Variants in RTL4 observed in about 807,000 individuals in gnomAD.
RTL4 encodes retrotransposon Gag-like protein 4.
In RTL4, 4 loss-of-function variants were observed where a neutral mutation model predicts 5.3. The ratio of observed to expected loss-of-function variants is 0.75; its 90% CI spans 0.37 to 1.72. RTL4 has a LOEUF of 1.72. Ranked by LOEUF, RTL4 falls within the 40% of genes most tolerant of loss-of-function variation. RTL4 has a pLI of 0.04. For synonymous variants in RTL4, 98 were observed against 87.3 expected (o/e 1.12, Z -0.68); for missense variants, 260 against 227.1 (o/e 1.14, Z -0.93).
chrX:112,182,090 G>C, the RTL4 span, among the ~76,000 whole-genome samples: 2 of 111,676 alleles, frequency 1.8e-5, no homozygotes, highest in Non-Finnish European at 3.8e-5. Flanking sequence ...CAGCAGACGG[G>C]CCTGACTGTT....
At chrX:112,430,156 C>G in the RTL4 span, among the ~76,000 whole-genome samples, 1 of 110,770 alleles carries the variant, frequency 9.0e-6, no homozygotes, top group Non-Finnish European at 1.9e-5. Flanking sequence ...TTTTTCCTCT[C>G]CTTCTGGTAT....
chrX:112,376,921 T>G, the RTL4 span, among the ~76,000 whole-genome samples: 1 of 112,372 alleles, frequency 8.9e-6, no homozygotes, highest in East Asian at 2.8e-4. Context: ...TCTGAATGTT[T>G]TGCAGAGCAT....
At chrX:112,323,260 G>C in the RTL4 span, among the ~76,000 whole-genome samples, 11 of 110,660 alleles carry the variant, frequency 9.9e-5, no homozygotes, top group African/African-American at 3.6e-4. Context: ...GAATCTTTTT[G>C]TCTGTTAGCT....
the RTL4 span, among the ~76,000 whole-genome samples, chrX:112,278,352 G>T: frequency 8.9e-6 from 1 of 111,877 alleles, no homozygotes; most frequent in African/African-American, 3.2e-5. Context: ...TTGGCAGTCA[G>T]GCCTTTACCT....
chrX:112,453,846 C>A (rs192720884), upstream of RTL4, among the ~76,000 whole-genome samples: 154 of 111,670 alleles, frequency 1.4e-3, 1 homozygote, highest in African/African-American at 4.7e-3. Flanking sequence ...TCACAGATCA[C>A]ATTCTGAGGA....
chrX:112,234,175 G>A, the RTL4 span, among the ~76,000 whole-genome samples: 2 of 110,958 alleles, frequency 1.8e-5, no homozygotes, highest in African/African-American at 6.6e-5. Context: ...CTGGGCGACA[G>A]AGTGAGACTC....
chrX:112,408,521 T>C, the RTL4 span, among the ~76,000 whole-genome samples: 1 of 109,442 alleles, frequency 9.1e-6, no homozygotes, highest in African/African-American at 3.3e-5. Context: ...ATTAGGAAAA[T>C]AGTCTCAAAA....
At chrX:112,244,899 A>T in the RTL4 span, among the ~76,000 whole-genome samples, 2 of 111,891 alleles carry the variant, frequency 1.8e-5, no homozygotes, top group Non-Finnish European at 3.8e-5. Context: ...GGTGGTGACA[A>T]AATCTCTCAG....
At chrX:112,140,730 A>G in the RTL4 span, among the ~76,000 whole-genome samples, 1 of 112,022 alleles carries the variant, frequency 8.9e-6, no homozygotes, top group Admixed American at 9.5e-5. Context: ...TTTAGTTCCA[A>G]CATTTAATTT....
chrX:112,131,597 C>CT, the RTL4 span, among the ~76,000 whole-genome samples: 1 of 111,773 alleles, frequency 8.9e-6, no homozygotes, highest in African/African-American at 3.2e-5. Flanking sequence ...TAACAAATGC[C>CT]TTTTTTCCCC....
At chrX:112,350,399 C>G in the RTL4 span, among the ~76,000 whole-genome samples, 1 of 108,542 alleles carries the variant, frequency 9.2e-6, no homozygotes, top group Non-Finnish European at 1.9e-5. Flanking sequence ...AGGGAGGATT[C>G]CCTCTTTTTC....
At chrX:112,330,245 G>A in the RTL4 span, among the ~76,000 whole-genome samples, 11 of 109,018 alleles carry the variant, frequency 1.0e-4, 1 homozygote, top group African/African-American at 3.4e-4. Context: ...TAACATCATT[G>A]TATATCTAGA....
the RTL4 span, among the ~76,000 whole-genome samples, chrX:112,172,976 A>T: frequency 2.4e-5 from 2 of 82,305 alleles, no homozygotes; most frequent in Non-Finnish European, 4.6e-5. Flanking sequence ...GGACACATGG[A>T]GGGGGAACAA....
At chrX:112,288,431 A>G in the RTL4 span, among the ~76,000 whole-genome samples, 1 of 112,087 alleles carries the variant, frequency 8.9e-6, no homozygotes, top group African/African-American at 3.2e-5. Flanking sequence ...TGCCATAGCT[A>G]TGGCTTGTTT....
chrX:112,436,513 G>A, the RTL4 span, among the ~76,000 whole-genome samples: 1 of 111,761 alleles, frequency 8.9e-6, no homozygotes, highest in Non-Finnish European at 1.9e-5. Flanking sequence ...AAAATTACCA[G>A]TCTCTTTATG....
chrX:112,275,899 C>T, the RTL4 span, among the ~76,000 whole-genome samples: 4 of 112,143 alleles, frequency 3.6e-5, no homozygotes. Context: ...CCCACCACTG[C>T]ACTCCAGCCT....
the RTL4 span, among the ~76,000 whole-genome samples, chrX:112,389,509 T>C: frequency 3.9e-4 from 44 of 111,463 alleles, no homozygotes; most frequent in African/African-American, 1.3e-3. Flanking sequence ...ATTTGAGATC[T>C]TTCTAACTTT....
the RTL4 span, among the ~76,000 whole-genome samples, chrX:112,230,470 C>T: frequency 4.7e-3 from 524 of 112,428 alleles, 2 homozygotes; most frequent in African/African-American, 0.016. Flanking sequence ...TGACTCTTTG[C>T]GCTTCCCGGG....
chrX:112,388,311 G>C, the RTL4 span, among the ~76,000 whole-genome samples: 7 of 111,793 alleles, frequency 6.3e-5, no homozygotes, highest in South Asian at 3.7e-4. Flanking sequence ...TAGGAGATTT[G>C]GGGCTGAGAT....
Sources: allele counts gnomAD v4.1 joint callset (sites outside exome capture counted in the v4.1 genomes callset), GRCh38; gene constraint gnomAD v4.1.1; transcripts MANE v1.5; gene names NCBI Gene and HGNC (gene_info 2026-07-23, HGNC 2026-07-21).